The following TBC1D14 variants were observed in gnomAD, a reference collection of about 807,000 sequenced individuals.
TBC1D14 encodes the protein TBC1 domain family member 14, also known as TBC1 domain family, member 14.
Under a neutral mutation model 79.0 loss-of-function variants are expected in TBC1D14, and 26 were observed. That is an observed-to-expected ratio of 0.33 (90% CI 0.24 to 0.46). The LOEUF (loss-of-function observed/expected upper bound fraction) is 0.46. Ranked by LOEUF, TBC1D14 falls within the 20% of genes least tolerant of loss-of-function variation. TBC1D14 has a pLI of 1.00. For missense variants in TBC1D14, 769 were observed against 887.6 expected, an observed-to-expected ratio of 0.87 and a Z score of 1.70; for synonymous variants, 394 against 349.9, an observed-to-expected ratio of 1.13 and a Z score of -1.40.
chr4:6,950,472 A>T (rs1212642512), intron 2 of TBC1D14, among the ~76,000 whole-genome samples: 1 of 152,160 alleles, frequency 6.6e-6, no homozygotes, highest in Non-Finnish European at 1.5e-5. Context: ...ACTGGCAGAA[A>T]TCCTAGTCTG....
intron 9 of TBC1D14, among the ~76,000 whole-genome samples, chr4:7,007,228 A>G (rs1459666382): frequency 6.6e-6 from 1 of 152,190 alleles, no homozygotes; most frequent in Non-Finnish European, 1.5e-5. Context: ...CCAGGAGAGC[A>G]GTGCAGCTGA....
chr4:7,027,500 C>T lies in TBC1D14; in HGVS notation c.2016+2238C>T, dbSNP rs192999239. 3.9e-3 allele frequency among the ~76,000 whole-genome samples: 574 copies of T among 145,494 alleles called. 4 individuals carry two copies. Among genetic ancestry groups the T allele is most frequent in the African/African-American group, 0.014 (523 of 38,690 alleles). ...TCATTGCACACCCACAGTCACACCC[C>T]TACACCTCACACCCAGTCACCCCAC... On this transcript the variant is annotated intron_variant, in intron 13 of 13. Transcript: ENST00000409757.
chr4:7,005,268 G>A (rs1313918760), intron 8 of TBC1D14, among the ~76,000 whole-genome samples: 4 of 151,800 alleles, frequency 2.6e-5, no homozygotes, highest in Non-Finnish European at 5.9e-5. Context: ...GGGTGCAGGC[G>A]CTCACGCCTG....
In TBC1D14 at chr4:7,010,795, G is replaced by T. The variant is rs1242023448; in HGVS notation, c.1647+14G>T. Reference sequence around the variant, plus strand: ...GACCATGGCCTTGTGAGTATCCTCTGTGTTCGGGCCCTGGGTACTGTGTCT... The same window carrying T: ...GACCATGGCCTTGTGAGTATCCTCTTTGTTCGGGCCCTGGGTACTGTGTCT... On this transcript the variant is annotated intron_variant, in intron 11 of 13. Coordinates refer to ENST00000409757, the MANE Select transcript of TBC1D14 (RefSeq NM_020773.3). The T allele has an allele frequency of 6.2e-7, 1 of 1,612,246 alleles. No individual in the cohort carries two copies. The highest frequency in any genetic ancestry group is 8.5e-7 in the Non-Finnish European group (1 of 1,179,250).
At position 7,025,187 on chromosome 4, in the gene TBC1D14, G is replaced by C. The variant is rs1263156652; in HGVS notation, c.1941G>C (p.Glu647Asp). The change falls in exon 13 of 14, where the codon GAG (glutamate) becomes GAC (aspartate). Residue 647 changes from glutamate (E) to aspartate (D), a missense_variant. Glu to Asp is a conservative substitution (Grantham distance 45). Around this residue, in one of 2 missense-constraint regions of TBC1D14, gnomAD observed 367 missense variants for 494.4 expected, o/e 0.74. Transcript: ENST00000409757. ...CCCAGTTCCTGACCCGGCTGCCCGA[G>C]GACCTGCCCGCCGAGGAGCTGTTTG... ...HMAQFLTRLP[E>D]DLPAEELFAS... 5 of 1,614,108 alleles carry C rather than the reference G, an allele frequency of 3.1e-6. 1 individual carries two copies. Among genetic ancestry groups the C allele is most frequent in the Non-Finnish European group, 2.5e-6 (3 of 1,180,050 alleles).
chr4:6,978,147 C>A (rs1379336029), intron 3 of TBC1D14, among the ~76,000 whole-genome samples: 13 of 149,304 alleles, frequency 8.7e-5, no homozygotes, highest in African/African-American at 1.7e-4. Flanking sequence ...CGGCTAGCCG[C>A]CCCGTCCGGG....
intron 8 of TBC1D14, among the ~76,000 whole-genome samples, 198 bp downstream of exon 8, chr4:7,005,122 G>A (rs960523554): frequency 6.6e-6 from 1 of 152,142 alleles, no homozygotes; most frequent in Non-Finnish European, 1.5e-5. Flanking sequence ...GAAATTGGCC[G>A]GGTGTGGTGA....
intron 3 of TBC1D14, chr4:6,987,188 C>A: frequency 8.2e-7 from 1 of 1,222,898 alleles, no homozygotes; most frequent in Non-Finnish European, 1.0e-6. Flanking sequence ...GCTGTGTCTG[C>A]GCGCGATTGA....
chr4:6,947,745 GTGTT>G (rs1167245913), intron 2 of TBC1D14, among the ~76,000 whole-genome samples: 1 of 152,020 alleles, frequency 6.6e-6, no homozygotes, highest in Admixed American at 6.6e-5. Flanking sequence ...ATATTAGAGA[GTGTT>G]TGAAGGAGAT....
At chr4:6,976,059 C>G (rs1716688256) in intron 3 of TBC1D14, among the ~76,000 whole-genome samples, 1 of 152,222 alleles carries the variant, frequency 6.6e-6, no homozygotes, top group African/African-American at 2.4e-5. Context: ...TGCCACTGCA[C>G]TCCATTCTGG....
intron 8 of TBC1D14, among the ~76,000 whole-genome samples, chr4:7,006,354 T>A (rs1158327797): frequency 2.6e-5 from 4 of 152,180 alleles, no homozygotes; most frequent in Non-Finnish European, 5.9e-5. Flanking sequence ...CACTGATTGT[T>A]ATTGATGAGA....
intron 11 of TBC1D14, 106 bp downstream of exon 11, chr4:7,010,887 T>A: frequency 7.4e-7 from 1 of 1,355,156 alleles, no homozygotes; most frequent in Non-Finnish European, 1.0e-6. Flanking sequence ...TTTCTCTCTG[T>A]GAAGAGATGT....
At chr4:6,963,427 T>C (rs1715424602) in intron 2 of TBC1D14, among the ~76,000 whole-genome samples, 1 of 152,218 alleles carries the variant, frequency 6.6e-6, no homozygotes, top group South Asian at 2.1e-4. Context: ...GCACAGATGT[T>C]GAAGGGACAG....
chr4:7,004,896 C>T lies in TBC1D14; in HGVS notation c.1323C>T (p.Ser441=). The T allele has an allele frequency of 6.2e-7, 1 of 1,614,118 alleles. No homozygotes were observed. The highest frequency in any genetic ancestry group is 1.1e-5 in the South Asian group (1 of 91,088). Residue 441 remains serine (S), a synonymous_variant, in exon 8 of 14, where the codon AGC becomes AGT. Coordinates refer to ENST00000409757, the MANE Select transcript of TBC1D14 (RefSeq NM_020773.3). ...ARAKERWRSL[S]TGGSEVENED... ...CCAAGGAGAGGTGGCGGTCCCTTAG[C>T]ACAGGAGGCTCTGAAGTGGAGAACG... is the stretch of plus-strand genomic sequence containing the variant.
intron 3 of TBC1D14, among the ~76,000 whole-genome samples, chr4:6,967,945 A>G (rs780560755): frequency 1.3e-5 from 2 of 152,032 alleles, no homozygotes; most frequent in East Asian, 3.9e-4. Context: ...TGTCCTCACC[A>G]CTGGGCTGCC....
At chr4:7,008,789 G>A (rs1720470782) in intron 9 of TBC1D14, among the ~76,000 whole-genome samples, 1 of 152,200 alleles carries the variant, frequency 6.6e-6, no homozygotes, top group African/African-American at 2.4e-5. Context: ...AATTACAACG[G>A]TAGAAAACCT....
chr4:6,996,526 G>T, intron 5 of TBC1D14, 119 bp downstream of exon 5: 7 of 704,588 alleles, frequency 9.9e-6, no homozygotes, highest in East Asian at 2.9e-5. Flanking sequence ...GAAATTTGTA[G>T]TCTTCCAGTA....
chr4:7,019,023 T>TTTGTTG (rs958423372), intron 12 of TBC1D14, among the ~76,000 whole-genome samples: 1 of 152,116 alleles, frequency 6.6e-6, no homozygotes, highest in African/African-American at 2.4e-5. Flanking sequence ...TCCATCTTTT[T>TTTGTTG]TTGTTGTTGT....
At chr4:6,995,056 A>G (rs1718874374) in intron 4 of TBC1D14, among the ~76,000 whole-genome samples, 1 of 152,112 alleles carries the variant, frequency 6.6e-6, no homozygotes, top group Admixed American at 6.6e-5. Context: ...GGTTGTTTAA[A>G]ATGTCCCAGT....
Sources: allele counts gnomAD v4.1 joint callset (sites outside exome capture counted in the v4.1 genomes callset), GRCh38; gene constraint gnomAD v4.1.1; regional missense constraint gnomAD v4.1.1; transcripts MANE v1.5; gene names NCBI Gene and HGNC (gene_info 2026-07-23, HGNC 2026-07-21).